The following SSTR5 variants were observed in gnomAD, a reference collection of about 807,000 sequenced individuals.
SSTR5 encodes somatostatin receptor type 5.
SSTR5 carries 1 observed loss-of-function variant against 0.3 expected under a neutral mutation model. That is an observed-to-expected ratio of 2.98 (90% CI 1.06 to 14.15). The LOEUF (loss-of-function observed/expected upper bound fraction) is 14.15. Ranked by LOEUF, SSTR5 falls within the 30% of genes most tolerant of loss-of-function variation. The pLI is 0.12. For synonymous variants in SSTR5, 256 were observed against 263.1 expected, an observed-to-expected ratio of 0.97 and a Z score of 0.26; for missense variants, 516 against 543.2, an observed-to-expected ratio of 0.95 and a Z score of 0.50.
chr16:1,076,301 T>C, intron 1 of SSTR5, among the ~76,000 whole-genome samples: 1 of 16,988 alleles, frequency 5.9e-5, no homozygotes, highest in African/African-American at 4.8e-4. Context: ...CCTCCCTCTC[T>C]CCCCACACCC....
intron 1 of SSTR5, chr16:1,073,237 A>G (rs528299): frequency 0.9 from 137,116 of 152,294 alleles, 62,295 homozygotes; most frequent in Non-Finnish European, 0.95. Flanking sequence ...AGGGTGGGTA[A>G]GGCTGGGGAG....
At position 1,079,108 on chromosome 16, in the gene SSTR5, C is replaced by T. The variant is rs1960285880; in HGVS notation, c.240C>T (p.Leu80=). Residue 80 remains leucine (L), a synonymous_variant, in exon 2 of 2, where the codon CTC becomes CTT. Transcript: ENST00000689027. ...KMKTVTNIYI[L]NLAVADVLYM... The stretch of plus-strand genomic sequence containing the variant: ...AGACCGTCACCAACATCTACATTCT[C>T]AACCTGGCAGTGGCCGACGTCCTGT... 1 of 1,612,738 alleles carries T rather than the reference C, an allele frequency of 6.2e-7. No homozygotes were observed. Among genetic ancestry groups the T allele is most frequent in the Non-Finnish European group, 8.5e-7 (1 of 1,179,966 alleles).
At position 1,079,873 on chromosome 16, in the gene SSTR5, G is replaced by A. The variant is rs536091948; in HGVS notation, c.1005G>A (p.Pro335=). 50 of 1,610,398 alleles carry A rather than the reference G, an allele frequency of 3.1e-5. No individual in the cohort carries two copies. Among genetic ancestry groups the A allele is most frequent in the African/African-American group, 6.7e-5 (5 of 75,022 alleles). The change falls in exon 2 of 2, where the codon CCG becomes CCA. Residue 335 remains proline, a synonymous_variant. Coordinates refer to ENST00000689027, the MANE Select transcript of SSTR5 (RefSeq NM_001172560.3). ...SGAKDADATE[P]RPDRIRQQQE... The stretch of plus-strand genomic sequence containing the variant: ...CCAAGGACGCTGACGCCACGGAGCC[G>A]CGTCCAGACAGGATCCGGCAGCAGC...
intron 1 of SSTR5, among the ~76,000 whole-genome samples, chr16:1,075,918 C>T (rs1960185853): frequency 8.7e-5 from 5 of 57,312 alleles, no homozygotes; most frequent in East Asian, 7.8e-4. Flanking sequence ...CTCTCTCCCT[C>T]CCTCTCTCCC....
chr16:1,074,656 G>A (rs904955438), intron 1 of SSTR5, among the ~76,000 whole-genome samples: 3 of 152,234 alleles, frequency 2.0e-5, no homozygotes, highest in Admixed American at 1.3e-4. Flanking sequence ...TGTGGTCCCC[G>A]TCGTGGGGAG....
Position 1,079,571 on chromosome 16 carries a change from G to A in SSTR5, c.703G>A (p.Val235Met), listed in dbSNP as rs777356309. Residue 235 changes from valine to methionine, a missense_variant, in exon 2 of 2, where the codon GTG (valine) becomes ATG (methionine). Coordinates refer to ENST00000689027, the MANE Select transcript of SSTR5 (RefSeq NM_001172560.3). ...VVKVRAAGVR[V>M]GCVRRRSERK... ...GAAGGTGAGGGCGGCGGGCGTGCGC[G>A]TGGGCTGCGTGCGGCGGCGCTCGGA... 4.0e-5 allele frequency: 64 copies of A among 1,611,260 alleles called. No homozygotes were observed. Among genetic ancestry groups the A allele is most frequent in the Admixed American group, 3.0e-4 (18 of 59,868 alleles).
chr16:1,078,551 G>A (rs1960263317), intron 1 of SSTR5: 1 of 463,886 alleles, frequency 2.2e-6, no homozygotes, highest in Non-Finnish European at 4.0e-6. Context: ...GCTGCGGCCA[G>A]GCCAGGCGCC....
chr16:1,074,434 T>A (rs1418940068), intron 1 of SSTR5, among the ~76,000 whole-genome samples: 1 of 152,174 alleles, frequency 6.6e-6, no homozygotes, highest in Non-Finnish European at 1.5e-5. Flanking sequence ...TCGTGCTGGG[T>A]TAGCCTGGAA....
rs61736143 is a variant in SSTR5 at position 1,079,848 on chromosome 16, C to G, written c.980C>G (p.Ala327Gly). 1 of 1,611,762 alleles carries G rather than the reference C, an allele frequency of 6.2e-7. No homozygotes were observed. Among genetic ancestry groups the G allele is most frequent in the South Asian group, 1.1e-5 (1 of 91,058 alleles). ...KVLCLRKGSG[A>G]KDADATEPRP... The stretch of plus-strand genomic sequence containing the variant: ...CTGTGCCTCCGCAAGGGCTCTGGTG[C>G]CAAGGACGCTGACGCCACGGAGCCG... Residue 327 changes from alanine (A) to glycine (G), a missense_variant, in exon 2 of 2, where the codon GCC becomes GGC. Physicochemically the swap from Ala to Gly is moderately conservative, Grantham distance 60 (BLOSUM62 0). Coordinates refer to ENST00000689027, the MANE Select transcript of SSTR5 (RefSeq NM_001172560.3).
In SSTR5 at chr16:1,079,189, C is replaced by T. The variant is rs4988486; in HGVS notation, c.321C>T (p.Phe107=). The change falls in exon 2 of 2, where the codon TTC becomes TTT. Residue 107 remains phenylalanine (F), a synonymous_variant. Transcript: ENST00000689027. ...ATQNAASFWP[F]GPVLCRLVMT... ...AGAACGCCGCGTCCTTCTGGCCCTTCGGCCCCGTCCTGTGCCGCCTGGTCA... is the reference window on the plus strand; with the variant it reads ...AGAACGCCGCGTCCTTCTGGCCCTTTGGCCCCGTCCTGTGCCGCCTGGTCA... 6,983 of 1,612,558 alleles carry T rather than the reference C, an allele frequency of 4.3e-3. 18 individuals are homozygous for T. Among genetic ancestry groups the T allele is most frequent in the Middle Eastern group, 7.6e-3 (46 of 6,062 alleles).
At position 1,081,368 on chromosome 16, in the gene SSTR5, C is replaced by T. The variant is rs544164618; in HGVS notation, c.*1405C>T. On this transcript the variant is annotated 3_prime_UTR_variant, in exon 2 of 2. Transcript: ENST00000689027. ...AATCCTGGCAGGAGAAAGGCCCAGG[C>T]TGAGGCCAGGCCTGGGAAACATCCA... 1.2e-4 allele frequency among the ~76,000 whole-genome samples: 19 copies of T among 152,340 alleles called. No homozygotes were observed. The highest frequency in any genetic ancestry group is 4.6e-4 in the African/African-American group (19 of 41,586).
intron 1 of SSTR5, among the ~76,000 whole-genome samples, chr16:1,074,389 T>C (rs1219192606): frequency 6.6e-6 from 1 of 152,182 alleles, no homozygotes; most frequent in African/African-American, 2.4e-5. Flanking sequence ...TGCAGCCGCA[T>C]CGCTGCCCCC....
At chr16:1,076,545 G>A (rs1355662655) in intron 1 of SSTR5, among the ~76,000 whole-genome samples, 1 of 151,358 alleles carries the variant, frequency 6.6e-6, no homozygotes, top group African/African-American at 2.4e-5. Context: ...CTCCCAGAAG[G>A]GATCCTGTCG....
In SSTR5 at chr16:1,079,333, G is replaced by C; in HGVS notation, c.465G>C (p.Val155=). ...LSSARWRRPR[V]AKLASAAAWV... ...CGGCCCGCTGGCGCCGCCCGCGTGT[G>C]GCCAAGCTGGCGAGCGCCGCGGCCT... Residue 155 remains valine (V), a synonymous_variant, in exon 2 of 2, where the codon GTG becomes GTC. Transcript: ENST00000689027. 6.2e-7 allele frequency: 1 copy of C among 1,606,280 alleles called. No homozygotes were observed. Among genetic ancestry groups the C allele is most frequent in the Non-Finnish European group, 8.5e-7 (1 of 1,176,816 alleles).
chr16:1,080,104 T>A lies in SSTR5; in HGVS notation c.*141T>A. On this transcript the variant is annotated 3_prime_UTR_variant, in exon 2 of 2. Transcript: ENST00000689027. Reference sequence around the variant, plus strand: ...AGAGCTGGCTGAAGCCAGGCTGGGGTAGACACAGGGCAGTAGGTTCCCCAC... The same window carrying A: ...AGAGCTGGCTGAAGCCAGGCTGGGGAAGACACAGGGCAGTAGGTTCCCCAC... 6 of 1,167,046 alleles carry A rather than the reference T, an allele frequency of 5.1e-6. No individual in the cohort carries two copies. Among genetic ancestry groups the A allele is most frequent in the Non-Finnish European group, 7.1e-6 (6 of 841,120 alleles). 72.3% of individuals were successfully genotyped at this position (1,167,046 alleles called of 1,614,324 possible). A position where few individuals can be genotyped will look rare whatever the true frequency, so the allele number is the denominator to read the frequency against.
rs1221287464 is a variant in SSTR5 at position 1,078,978 on chromosome 16, G to A, written c.110G>A (p.Gly37Glu). The A allele has an allele frequency of 6.3e-7, 1 of 1,587,888 alleles. No homozygotes were observed. The highest frequency in any genetic ancestry group is 8.6e-7 in the Non-Finnish European group (1 of 1,169,344). The change falls in exon 2 of 2, where the codon GGG (glycine) becomes GAG (glutamate). Residue 37 changes from glycine (G) to glutamate (E), a missense_variant. Coordinates refer to ENST00000689027, the MANE Select transcript of SSTR5 (RefSeq NM_001172560.3). ...CTGGTGGGGCCGGCGCCCTCGGCAG[G>A]GGCCCGGGCGGTGCTGGTGCCCGTG... Reference protein sequence around the residue: ...RTLVGPAPSAGARAVLVPVLY... With the variant: ...RTLVGPAPSAEARAVLVPVLY...
In SSTR5 at chr16:1,080,124, C is replaced by A; in HGVS notation, c.*161C>A. ...TGGGGTAGACACAGGGCAGTAGGTT[C>A]CCCACCGTGACCGACCATCCCCTCT... On this transcript the variant is annotated 3_prime_UTR_variant, in exon 2 of 2. Coordinates refer to ENST00000689027, the MANE Select transcript of SSTR5 (RefSeq NM_001172560.3). 1 of 983,104 alleles carries A rather than the reference C, an allele frequency of 1.0e-6. No homozygotes were observed. Among genetic ancestry groups the A allele is most frequent in the Non-Finnish European group, 1.5e-6 (1 of 679,330 alleles). The allele number at this position is 983,104 out of a possible 1,614,324, so 60.9% of individuals were successfully genotyped here.
rs921319916 is a variant in SSTR5, at chr16:1,081,184, T to C, written c.*1221T>C. 2.6e-5 allele frequency: 12 copies of C among 465,130 alleles called. No individual in the cohort carries two copies. The highest frequency in any genetic ancestry group is 2.2e-4 in the African/African-American group (11 of 49,694). The allele number at this position is 465,130 out of a possible 1,614,324, so 28.8% of individuals were successfully genotyped here. A position where few individuals can be genotyped will look rare whatever the true frequency, so the allele number is the denominator to read the frequency against. ...TGGGGTCTCTGGGGCACCTTGGCCT[T>C]GCTCTGAGGCTGGAAGGAGAAGGAC... is the stretch of plus-strand genomic sequence containing the variant. On this transcript the variant is annotated 3_prime_UTR_variant, in exon 2 of 2. Coordinates refer to ENST00000689027, the MANE Select transcript of SSTR5 (RefSeq NM_001172560.3).
At chr16:1,074,287 G>A (rs1960149367) in intron 1 of SSTR5, among the ~76,000 whole-genome samples, 1 of 152,342 alleles carries the variant, frequency 6.6e-6, no homozygotes, top group Admixed American at 6.5e-5. Context: ...GAGGAGCCCG[G>A]GTGGGTCTGC....
Sources: allele counts gnomAD v4.1 joint callset (sites outside exome capture counted in the v4.1 genomes callset), GRCh38; gene constraint gnomAD v4.1.1; transcripts MANE v1.5; gene names NCBI Gene and HGNC (gene_info 2026-07-23, HGNC 2026-07-21).